Variants in CELF1 observed in about 807,000 individuals in gnomAD.
The protein encoded by CELF1 is CUGBP Elav-like family member 1.
CELF1 carries 10 observed loss-of-function variants against 61.8 expected under a neutral mutation model. The observed-to-expected ratio is 0.16, with a 90% CI of 0.10 to 0.27. The LOEUF is 0.27. Ranked by LOEUF, CELF1 falls within the 10% of genes least tolerant of loss-of-function variation. The pLI, the probability that CELF1 is intolerant of heterozygous loss-of-function variation, is 1.00. For missense variants in CELF1, 380 were observed against 639.1 expected (o/e 0.59, Z 4.37); for synonymous variants, 236 against 225.1 (o/e 1.05, Z -0.43).
intron 7 of CELF1, among the ~76,000 whole-genome samples, chr11:47,484,046 T>C (rs1208561083): frequency 6.6e-6 from 1 of 152,104 alleles, no homozygotes; most frequent in Admixed American, 6.6e-5. Context: ...ATTAAAAAGA[T>C]TCCAAGCCCG....
chr11:47,519,159 C>T (rs1205511312), intron 1 of CELF1, among the ~76,000 whole-genome samples: 1 of 152,102 alleles, frequency 6.6e-6, no homozygotes, highest in African/African-American at 2.4e-5. Context: ...GGACGCACAG[C>T]CCTAAGACAA....
intron 11 of CELF1, 158 bp downstream of exon 11, chr11:47,477,139 T>C: frequency 1.1e-6 from 1 of 921,056 alleles, no homozygotes; most frequent in South Asian, 1.6e-5. Flanking sequence ...CAGGAAGATT[T>C]CTCTTAAGTA....
intron 2 of CELF1, among the ~76,000 whole-genome samples, chr11:47,559,113 T>G (rs1205337771): frequency 6.8e-6 from 1 of 147,962 alleles, no homozygotes; most frequent in Non-Finnish European, 1.5e-5. Context: ...ATGTATTTTT[T>G]GAGACGGAGT....
intron 1 of CELF1, among the ~76,000 whole-genome samples, chr11:47,527,724 T>C (rs73461758): frequency 0.014 from 2,135 of 152,302 alleles, 58 homozygotes; most frequent in African/African-American, 0.048. Flanking sequence ...ATATGCTTTT[T>C]TCGTGTTTAA....
At chr11:47,476,628 G>T (rs1427944361) in intron 12 of CELF1, among the ~76,000 whole-genome samples, 1 of 152,044 alleles carries the variant, frequency 6.6e-6, no homozygotes, top group South Asian at 2.1e-4. Flanking sequence ...GGGTTTCACC[G>T]TGTTAGCCAG....
intron 9 of CELF1, among the ~76,000 whole-genome samples, chr11:47,481,967 C>G (rs2083508934): frequency 6.6e-6 from 1 of 152,180 alleles, no homozygotes; most frequent in African/African-American, 2.4e-5. Context: ...CTTTGGGAGG[C>G]CAAGACAGGT....
At chr11:47,504,626 C>A (rs61895102) in intron 1 of CELF1, among the ~76,000 whole-genome samples, 13,636 of 142,198 alleles carry the variant, frequency 0.096, 1,254 homozygotes, top group Non-Finnish European at 0.14. Context: ...TCAGGCTGGG[C>A]GCGGTGGCTC....
intron 1 of CELF1, among the ~76,000 whole-genome samples, chr11:47,504,213 T>C (rs1028582519): frequency 4.6e-5 from 7 of 151,942 alleles, no homozygotes; most frequent in Admixed American, 2.0e-4. Flanking sequence ...AAAATAAGTT[T>C]TCCATAAGAA....
At chr11:47,517,705 T>C (rs2095634001) in intron 1 of CELF1, among the ~76,000 whole-genome samples, 1 of 148,978 alleles carries the variant, frequency 6.7e-6, no homozygotes, top group Non-Finnish European at 1.5e-5. Context: ...CAGGCTAGAG[T>C]ACAATGGCGC....
intron 1 of CELF1, among the ~76,000 whole-genome samples, chr11:47,544,217 A>C (rs1369411659): frequency 6.6e-6 from 1 of 152,162 alleles, no homozygotes; most frequent in African/African-American, 2.4e-5. Flanking sequence ...TATGTATGGC[A>C]CTCCTAGGCA....
At chr11:47,542,272 G>C (rs1241880958) in intron 1 of CELF1, among the ~76,000 whole-genome samples, 3 of 152,072 alleles carry the variant, frequency 2.0e-5, no homozygotes, top group Non-Finnish European at 4.4e-5. Context: ...CGAGGTTGAG[G>C]CAGAAGAATC....
At chr11:47,508,088 C>G (rs917437078) in intron 1 of CELF1, among the ~76,000 whole-genome samples, 1 of 152,088 alleles carries the variant, frequency 6.6e-6, no homozygotes. Flanking sequence ...ATAACCTGCC[C>G]GTGGCTTCTT....
intron 1 of CELF1, chr11:47,524,690 TTGC>T (rs1208801330): frequency 6.6e-6 from 1 of 152,242 alleles, no homozygotes; most frequent in Non-Finnish European, 1.5e-5. Context: ...GCTCCTGCTG[TTGC>T]TGTACAAATA....
At chr11:47,500,156 T>C (rs2093713985) in intron 2 of CELF1, among the ~76,000 whole-genome samples, 1 of 150,754 alleles carries the variant, frequency 6.6e-6, no homozygotes, top group African/African-American at 2.4e-5. Flanking sequence ...CACCAGAAAC[T>C]TACCACTCAC....
chr11:47,483,170 A>AG (rs942311597), intron 8 of CELF1, among the ~76,000 whole-genome samples: 4 of 152,170 alleles, frequency 2.6e-5, no homozygotes, highest in Admixed American at 2.0e-4. Flanking sequence ...TGGCAGAGGT[A>AG]GGGGGGATCA....
intron 1 of CELF1, among the ~76,000 whole-genome samples, chr11:47,518,335 T>G (rs930328033): frequency 6.6e-6 from 1 of 152,240 alleles, no homozygotes; most frequent in Non-Finnish European, 1.5e-5. Flanking sequence ...CTCAGCTGTA[T>G]AGCTATACAT....
At chr11:47,494,538 CT>C in intron 3 of CELF1, 2 of 939,214 alleles carry the variant, frequency 2.1e-6, no homozygotes, top group Non-Finnish European at 2.5e-6. Flanking sequence ...GTTCAAAATT[CT>C]TGAACACTCT....
intron 1 of CELF1, among the ~76,000 whole-genome samples, chr11:47,519,309 T>C (rs2095735207): frequency 6.6e-6 from 1 of 151,522 alleles, no homozygotes; most frequent in Admixed American, 6.6e-5. Flanking sequence ...TGAAACCCCA[T>C]CTCTACTACA....
At position 47,521,206 on chromosome 11, in the gene CELF1, C is replaced by T. The variant is rs954473520; in HGVS notation, c.-153-20274G>A. The stretch of plus-strand genomic sequence containing the variant: ...GGCGGAGTTTGCAGTGAGCCGACGT[C>T]GTGCCACTGCACTCCAGCCTGGGCG... On this transcript the variant is annotated intron_variant, in intron 1 of 14. Transcript: ENST00000687097. 3.3e-5 allele frequency among the ~76,000 whole-genome samples: 5 copies of T among 151,498 alleles called. 1 individual carries two copies. Among genetic ancestry groups the T allele is most frequent in the South Asian group, 2.1e-4 (1 of 4,776 alleles).
Sources: gnomAD v4.1 joint callset for allele counts (sites outside exome capture counted in the v4.1 genomes callset) on GRCh38, gnomAD v4.1.1 for gene constraint, MANE v1.5 for transcripts, NCBI Gene and HGNC (gene_info 2026-07-23, HGNC 2026-07-21) for gene names.